Variants in TMTC2 observed in about 807,000 individuals in gnomAD.
TMTC2 encodes the protein protein O-mannosyl-transferase TMTC2.
Under a neutral mutation model 82.4 loss-of-function variants are expected in TMTC2, and 43 were observed. The ratio of observed to expected loss-of-function variants is 0.52; its 90% CI spans 0.41 to 0.67. The LOEUF (loss-of-function observed/expected upper bound fraction) is 0.67. Among genes scored for constraint, TMTC2 ranks in the 30% least tolerant of loss-of-function variants. The pLI is 0.00. For synonymous variants in TMTC2, 408 were observed against 381.9 expected (o/e 1.07, Z -0.80); for missense variants, 919 against 1,012.4 (o/e 0.91, Z 1.25).
intron 2 of TMTC2, among the ~76,000 whole-genome samples, chr12:82,893,880 G>T (rs998840057): frequency 1.3e-5 from 2 of 152,112 alleles, no homozygotes; most frequent in Admixed American, 6.5e-5. Context: ...GAAGGACAGG[G>T]TCACCAGTTA....
At chr12:82,790,987 AG>A (rs1878442931) in intron 1 of TMTC2, among the ~76,000 whole-genome samples, 3 of 152,084 alleles carry the variant, frequency 2.0e-5, no homozygotes, top group Non-Finnish European at 2.9e-5. Context: ...CAGTTGAGTG[AG>A]CTCATCCATA....
intron 4 of TMTC2, among the ~76,000 whole-genome samples, chr12:82,935,353 CT>C (rs1876260524): frequency 6.6e-6 from 1 of 151,998 alleles, no homozygotes; most frequent in African/African-American, 2.4e-5. Flanking sequence ...TGTATTTAGC[CT>C]TTTATTCATG....
chr12:83,074,239 G>A (rs992583821), intron 11 of TMTC2, among the ~76,000 whole-genome samples: 2 of 152,052 alleles, frequency 1.3e-5, no homozygotes, highest in African/African-American at 4.8e-5. Flanking sequence ...AGTGATTGTT[G>A]TCTCTCTTCA....
rs142066182 is a variant in TMTC2 at position 82,776,229 on chromosome 12, A to G, written c.84-80781A>G. ...TTAGGTCACTTTTTTCAACATACAT[A>G]TGCTAAATGTAATGTAGCATGAACT... is the stretch of plus-strand genomic sequence containing the variant. On this transcript the variant is annotated intron_variant, in intron 1 of 11. Transcript: ENST00000321196. 7.8e-4 allele frequency among the ~76,000 whole-genome samples: 119 copies of G among 152,234 alleles called. 2 individuals carry two copies. Among genetic ancestry groups the G allele is most frequent in the African/African-American group, 2.7e-3 (112 of 41,566 alleles).
intron 8 of TMTC2, among the ~76,000 whole-genome samples, chr12:82,987,964 C>T (rs1016065596): frequency 3.9e-5 from 6 of 152,056 alleles, no homozygotes; most frequent in East Asian, 1.9e-4. Context: ...CCTGGAATTC[C>T]GAAGCCAATA....
intron 1 of TMTC2, among the ~76,000 whole-genome samples, chr12:82,805,507 T>C: frequency 8.8e-6 from 1 of 114,074 alleles, no homozygotes; most frequent in African/African-American, 2.9e-5. Flanking sequence ...CTTTTTTTTT[T>C]TTTTTTTTTT....
At chr12:82,965,817 G>C (rs1301503734) in intron 6 of TMTC2, 73 bp downstream of exon 6, 1 of 1,562,866 alleles carries the variant, frequency 6.4e-7, no homozygotes, top group Non-Finnish European at 8.8e-7. Flanking sequence ...GTAACCTACA[G>C]CCTCCTTTGA....
intron 11 of TMTC2, among the ~76,000 whole-genome samples, chr12:83,129,184 G>A (rs1885187419): frequency 6.6e-6 from 1 of 152,090 alleles, no homozygotes; most frequent in African/African-American, 2.4e-5. Context: ...GAAATGTATA[G>A]CTGCTTAAAT....
intron 3 of TMTC2, among the ~76,000 whole-genome samples, chr12:82,900,866 T>G (rs1299215804): frequency 1.5e-5 from 2 of 129,102 alleles, no homozygotes; most frequent in East Asian, 4.4e-4. Flanking sequence ...ACCTGGAATA[T>G]ATATATATAG....
intron 1 of TMTC2, among the ~76,000 whole-genome samples, chr12:82,806,868 C>A (rs1879269276): frequency 6.6e-6 from 1 of 152,032 alleles, no homozygotes; most frequent in Non-Finnish European, 1.5e-5. Flanking sequence ...ATAAGTGGAT[C>A]CACACTGTTA....
chr12:83,055,006 C>T (rs555714735), intron 10 of TMTC2, among the ~76,000 whole-genome samples: 1 of 152,186 alleles, frequency 6.6e-6, no homozygotes, highest in African/African-American at 2.4e-5. Flanking sequence ...GGGAGCTCTA[C>T]TCTACACAGC....
intron 1 of TMTC2, among the ~76,000 whole-genome samples, chr12:82,804,009 G>C (rs1879132324): frequency 6.6e-6 from 1 of 152,016 alleles, no homozygotes; most frequent in African/African-American, 2.4e-5. Context: ...GACCCCTATG[G>C]ATTCATCTCC....
chr12:82,990,802 T>C (rs1485962554), intron 8 of TMTC2, among the ~76,000 whole-genome samples: 1 of 152,162 alleles, frequency 6.6e-6, no homozygotes, highest in Non-Finnish European at 1.5e-5. Flanking sequence ...TTAAATGTTT[T>C]TGTTCCCTCC....
At chr12:83,024,510 A>G (rs1881077098) in intron 8 of TMTC2, among the ~76,000 whole-genome samples, 2 of 152,196 alleles carry the variant, frequency 1.3e-5, no homozygotes, top group Admixed American at 6.5e-5. Flanking sequence ...TCACTATTGT[A>G]AGAAATTCCC....
chr12:83,076,382 AAC>A (rs1883283496), intron 11 of TMTC2, among the ~76,000 whole-genome samples: 1 of 152,186 alleles, frequency 6.6e-6, no homozygotes. Flanking sequence ...CTCTGATTCC[AAC>A]ATATTTCTTT....
At chr12:82,819,969 A>G (rs1354562768) in intron 1 of TMTC2, among the ~76,000 whole-genome samples, 1 of 152,210 alleles carries the variant, frequency 6.6e-6, no homozygotes, top group Non-Finnish European at 1.5e-5. Context: ...AAGCTAGTCC[A>G]AGTCCCAAAA....
intron 1 of TMTC2, among the ~76,000 whole-genome samples, chr12:82,845,151 C>T (rs1482473147): frequency 1.4e-5 from 2 of 138,712 alleles, no homozygotes; most frequent in Non-Finnish European, 3.0e-5. Context: ...ATCGCTTGAA[C>T]CTGGGAGACA....
At chr12:82,885,631 A>G (rs1873060785) in intron 2 of TMTC2, among the ~76,000 whole-genome samples, 1 of 152,040 alleles carries the variant, frequency 6.6e-6, no homozygotes. Flanking sequence ...TTTGCCTCTT[A>G]AAGTGCTGAG....
intron 7 of TMTC2, among the ~76,000 whole-genome samples, chr12:82,982,632 A>T (rs945007335): frequency 1.3e-5 from 2 of 151,946 alleles, no homozygotes; most frequent in African/African-American, 4.8e-5. Context: ...ATAGATTACC[A>T]TTGCTCTTCC....
Sources: allele counts gnomAD v4.1 joint callset (sites outside exome capture counted in the v4.1 genomes callset), GRCh38; gene constraint gnomAD v4.1.1; transcripts MANE v1.5; gene names NCBI Gene and HGNC (gene_info 2026-07-23, HGNC 2026-07-21).